CNTNAP5: variants seen among roughly 807,000 people sequenced by gnomAD.
CNTNAP5 encodes contactin associated protein family member 5, also known as contactin-associated protein-like 5.
In CNTNAP5, 72 loss-of-function variants were observed where a neutral mutation model predicts 150.2. That is an observed-to-expected ratio of 0.48 (90% CI 0.40 to 0.58). The LOEUF (loss-of-function observed/expected upper bound fraction) is 0.58, where lower values mean the gene tolerates loss of function less well. Among genes scored for constraint, CNTNAP5 ranks in the 20% least tolerant of loss-of-function variants. The pLI, the probability that CNTNAP5 is intolerant of heterozygous loss-of-function variation, is 0.00. For missense variants in CNTNAP5, 1,636 were observed against 1,626.2 expected (o/e 1.01, Z -0.10); for synonymous variants, 672 against 619.8 (o/e 1.08, Z -1.25).
intron 1 of CNTNAP5, among the ~76,000 whole-genome samples, chr2:124,037,167 C>T (rs1295967518): frequency 5.3e-5 from 8 of 152,178 alleles, no homozygotes; most frequent in Admixed American, 1.3e-4. Context: ...GCTTGTATTG[C>T]TCACTAAAGC....
At chr2:124,474,712 A>G (rs747505989) in intron 6 of CNTNAP5, 27 bp from the exon 7 acceptor site, 5 of 1,519,586 alleles carry the variant, frequency 3.3e-6, no homozygotes, top group Non-Finnish European at 4.4e-6. Context: ...TAAAACTAAG[A>G]GTTTGTTTCT....
intron 19 of CNTNAP5, among the ~76,000 whole-genome samples, chr2:124,801,179 T>G (rs1307669174): frequency 6.6e-6 from 1 of 152,186 alleles, no homozygotes; most frequent in Non-Finnish European, 1.5e-5. Flanking sequence ...ATCATTCATT[T>G]TTTATTAACT....
chr2:124,430,949 T>C lies in CNTNAP5; in HGVS notation c.530-3535T>C, dbSNP rs551708657. Among the ~76,000 whole-genome samples the C allele has an allele frequency of 4.5e-4, 69 of 152,314 alleles. No individual in the cohort carries two copies. In the Middle Eastern group the frequency reaches 0.01, roughly 23 times the overall value. On this transcript the variant is annotated intron_variant, in intron 4 of 23. Transcript: ENST00000682447. ...TTGAATGCCTTTGTATTTTCAGGTCTGAGATTGTGCAATTTTCACAATGAC... is the reference window on the plus strand; with the variant it reads ...TTGAATGCCTTTGTATTTTCAGGTCCGAGATTGTGCAATTTTCACAATGAC...
intron 21 of CNTNAP5, among the ~76,000 whole-genome samples, chr2:124,899,001 A>G (rs187704013): frequency 5.9e-5 from 9 of 151,526 alleles, no homozygotes; most frequent in African/African-American, 2.2e-4. Flanking sequence ...AATATATTAT[A>G]TATTTGAAAA....
rs984549016 is a variant in CNTNAP5, at chr2:124,713,001, C to G, written c.2078-34228C>G. Among the ~76,000 whole-genome samples, 3 of 152,222 alleles carry G rather than the reference C, an allele frequency of 2.0e-5. No individual in the cohort carries two copies. In the East Asian group the frequency reaches 5.8e-4, roughly 30 times the overall value. On this transcript the variant is annotated intron_variant, in intron 13 of 23. Transcript: ENST00000682447. ...CCTCCCAAAGGGAAACCTCCTAATA[C>G]CATCATCTTGGAGGTAAGGATTTCA...
At chr2:124,578,296 C>T (rs1171480880) in intron 11 of CNTNAP5, among the ~76,000 whole-genome samples, 1 of 148,104 alleles carries the variant, frequency 6.8e-6, no homozygotes, top group Non-Finnish European at 1.5e-5. Flanking sequence ...AACCACTGCA[C>T]TCCAGTCTGG....
At chr2:124,586,695 C>T (rs1441497565) in intron 11 of CNTNAP5, among the ~76,000 whole-genome samples, 1 of 152,128 alleles carries the variant, frequency 6.6e-6, no homozygotes, top group Non-Finnish European at 1.5e-5. Flanking sequence ...TGAAGTATCA[C>T]AGCAATCTAA....
chr2:124,191,512 G>A (rs1685456423), intron 1 of CNTNAP5, among the ~76,000 whole-genome samples: 1 of 152,092 alleles, frequency 6.6e-6, no homozygotes, highest in Non-Finnish European at 1.5e-5. Flanking sequence ...CATATGTATA[G>A]TCAAGTTGGA....
intron 1 of CNTNAP5, among the ~76,000 whole-genome samples, chr2:124,034,141 G>A (rs892857644): frequency 6.6e-6 from 1 of 152,196 alleles, no homozygotes; most frequent in Non-Finnish European, 1.5e-5. Context: ...AAGGGCATAT[G>A]TCACACAGTT....
intron 10 of CNTNAP5, among the ~76,000 whole-genome samples, chr2:124,559,521 A>G (rs1695837007): frequency 6.6e-6 from 1 of 152,176 alleles, no homozygotes; most frequent in Non-Finnish European, 1.5e-5. Flanking sequence ...GCAGTTATAG[A>G]TGCAATATCG....
intron 3 of CNTNAP5, among the ~76,000 whole-genome samples, chr2:124,290,882 A>G (rs879827894): frequency 0.3 from 23,333 of 78,334 alleles, 1,968 homozygotes; most frequent in Middle Eastern, 0.36. Context: ...TCCTTTATTT[A>G]TTTATTTATT....
chr2:124,799,013 C>T (rs1432683915), intron 19 of CNTNAP5, among the ~76,000 whole-genome samples: 1 of 151,880 alleles, frequency 6.6e-6, no homozygotes, highest in Non-Finnish European at 1.5e-5. Context: ...AAATACAGGG[C>T]AATATTTTCC....
intron 2 of CNTNAP5, among the ~76,000 whole-genome samples, chr2:124,228,863 C>A (rs1170617): frequency 0.18 from 27,364 of 151,986 alleles, 2,771 homozygotes; most frequent in East Asian, 0.35. Context: ...AAACCCATGA[C>A]CTTCAGAGCA....
intron 10 of CNTNAP5, among the ~76,000 whole-genome samples, chr2:124,554,525 A>G (rs998746306): frequency 6.6e-6 from 1 of 151,516 alleles, no homozygotes; most frequent in African/African-American, 2.4e-5. Context: ...GGCTCAAGCA[A>G]TCCTCCCACT....
Position 124,707,125 on chromosome 2 carries a change from AGAAGAAGAAGAAGAG to A in CNTNAP5, c.2078-40089_2078-40075del, listed in dbSNP as rs1336694311. On this transcript the variant is annotated intron_variant, in intron 13 of 23. Coordinates refer to ENST00000682447, the MANE Select transcript of CNTNAP5 (RefSeq NM_001367498.1). ...GGAAGAAGAAGAGGAAGAAGAAGAA[AGAAGAAGAAGAAGAG>A]GAAGAAGAAGAAGAAGAAGAAGAAG... Among the ~76,000 whole-genome samples the A allele has an allele frequency of 5.8e-3, 526 of 91,348 alleles. 15 individuals carry two copies. Among genetic ancestry groups the A allele is most frequent in the Middle Eastern group, 0.011 (2 of 186 alleles). The allele number at this position is 91,348 out of a possible 152,430, so 59.9% of individuals were successfully genotyped here.
chr2:124,660,365 C>G (rs1210438629), intron 13 of CNTNAP5, among the ~76,000 whole-genome samples: 1 of 152,136 alleles, frequency 6.6e-6, no homozygotes, highest in African/African-American at 2.4e-5. Context: ...TAGATGAAAG[C>G]ACTAGTACAG....
intron 13 of CNTNAP5, among the ~76,000 whole-genome samples, chr2:124,692,805 C>T (rs1679326218): frequency 6.6e-6 from 1 of 152,020 alleles, no homozygotes; most frequent in African/African-American, 2.4e-5. Flanking sequence ...TCCCTCATTA[C>T]CAAAAGAAAC....
intron 3 of CNTNAP5, among the ~76,000 whole-genome samples, chr2:124,352,867 C>T (rs943917528): frequency 3.9e-5 from 6 of 152,150 alleles, no homozygotes; most frequent in Admixed American, 2.0e-4. Context: ...CTTACAATCC[C>T]ATGCATCTGT....
chr2:124,229,798 AG>A (rs1376564931), intron 2 of CNTNAP5, among the ~76,000 whole-genome samples: 2 of 152,112 alleles, frequency 1.3e-5, no homozygotes, highest in African/African-American at 4.8e-5. Flanking sequence ...TTGAAAATGA[AG>A]GGGAAGGATT....
Sources: gnomAD v4.1 joint callset for allele counts (sites outside exome capture counted in the v4.1 genomes callset) on GRCh38, gnomAD v4.1.1 for gene constraint, MANE v1.5 for transcripts, NCBI Gene and HGNC (gene_info 2026-07-23, HGNC 2026-07-21) for gene names.